Variants in PTPRM observed in about 807,000 individuals in gnomAD.
The protein encoded by PTPRM is protein tyrosine phosphatase receptor type M.
In PTPRM, 47 loss-of-function variants were observed where a neutral mutation model predicts 186.7. The ratio of observed to expected loss-of-function variants is 0.25; its 90% CI spans 0.20 to 0.32. PTPRM has a LOEUF of 0.32. Ranked by LOEUF, PTPRM falls within the 10% of genes least tolerant of loss-of-function variation. PTPRM has a pLI of 1.00. For missense variants in PTPRM, 1,494 were observed against 1,865.0 expected (o/e 0.80, Z 3.66); for synonymous variants, 668 against 674.9 (o/e 0.99, Z 0.16).
intron 22 of PTPRM, among the ~76,000 whole-genome samples, chr18:8,325,436 G>A (rs1341264761): frequency 3.9e-5 from 6 of 152,118 alleles, no homozygotes; most frequent in African/African-American, 1.4e-4. Flanking sequence ...CCGTTCCTGC[G>A]ATTGGTCAGT....
At chr18:8,201,174 G>A (rs1441581048) in intron 14 of PTPRM, among the ~76,000 whole-genome samples, 1 of 152,120 alleles carries the variant, frequency 6.6e-6, no homozygotes, top group Non-Finnish European at 1.5e-5. Context: ...AAATTAGCCA[G>A]GCATGGTGGT....
rs1016213359 is a variant in PTPRM, at chr18:7,816,515, T to C, written c.196+42244T>C. Among the ~76,000 whole-genome samples the C allele has an allele frequency of 9.8e-5, 15 of 152,334 alleles. No individual in the cohort carries two copies. In the East Asian group the frequency reaches 2.1e-3, roughly 22 times the overall value. On this transcript the variant is annotated intron_variant, in intron 2 of 32. Transcript: ENST00000580170. ...AAATTAAGTGGTATAATTATTCTTC[T>C]AAAGATGTCATCTAGAATCTACATT...
At chr18:8,028,008 T>C (rs1183834493) in intron 7 of PTPRM, among the ~76,000 whole-genome samples, 3 of 152,132 alleles carry the variant, frequency 2.0e-5, no homozygotes, top group Non-Finnish European at 2.9e-5. Flanking sequence ...TTCTTTCTTT[T>C]TTTTGTTTTT....
At chr18:7,976,256 A>G (rs550945023) in intron 7 of PTPRM, among the ~76,000 whole-genome samples, 5 of 152,366 alleles carry the variant, frequency 3.3e-5, no homozygotes, top group African/African-American at 7.2e-5. Context: ...GAAAAGGCCA[A>G]ACTATGGATA....
At chr18:7,893,793 C>A (rs1259976998) in intron 3 of PTPRM, among the ~76,000 whole-genome samples, 1 of 152,104 alleles carries the variant, frequency 6.6e-6, no homozygotes, top group Non-Finnish European at 1.5e-5. Flanking sequence ...ATTGTAGATG[C>A]GGCAAGAGAA....
intron 1 of PTPRM, among the ~76,000 whole-genome samples, chr18:7,613,599 G>A (rs767562103): frequency 7.9e-5 from 12 of 152,240 alleles, no homozygotes; most frequent in Non-Finnish European, 1.8e-4. Context: ...GTTGAATCCA[G>A]GAGGTGGAGG....
intron 13 of PTPRM, among the ~76,000 whole-genome samples, chr18:8,143,409 G>A (rs1260892987): frequency 6.6e-6 from 1 of 152,112 alleles, no homozygotes; most frequent in African/African-American, 2.4e-5. Context: ...CATAGAAAAG[G>A]GTCAGGCATG....
chr18:7,924,141 T>G (rs902916524), intron 4 of PTPRM, among the ~76,000 whole-genome samples: 3 of 152,212 alleles, frequency 2.0e-5, no homozygotes, highest in Admixed American at 2.0e-4. Flanking sequence ...ATGATAGTAG[T>G]GTCACAGCCA....
rs1288648086 is a variant in PTPRM, at chr18:7,568,685, G to A, written c.73+794G>A. On this transcript the variant is annotated intron_variant, in intron 1 of 32. Coordinates refer to ENST00000580170, the MANE Select transcript of PTPRM (RefSeq NM_001105244.2). The surrounding 1 kb of genome is among the most constrained non-coding windows in gnomAD (Gnocchi z 5.1). ...CGGGGGTCCCAGGTGGGAAGGAGAG[G>A]CACTGGCGGTGTGCGAGCAAGCGTG... Among the ~76,000 whole-genome samples, 1 of 152,198 alleles carries A rather than the reference G, an allele frequency of 6.6e-6. No homozygotes were observed. The highest frequency in any genetic ancestry group is 1.5e-5 in the Non-Finnish European group (1 of 68,034).
At chr18:7,693,700 G>T (rs2039783250) in intron 1 of PTPRM, among the ~76,000 whole-genome samples, 2 of 152,214 alleles carry the variant, frequency 1.3e-5, no homozygotes, top group African/African-American at 4.8e-5. Flanking sequence ...CCTACAAAGT[G>T]GGAGATTGCT....
chr18:7,813,437 T>C (rs1417582985), intron 2 of PTPRM, among the ~76,000 whole-genome samples: 1 of 152,214 alleles, frequency 6.6e-6, no homozygotes, highest in Non-Finnish European at 1.5e-5. Flanking sequence ...AGTTCAGTTA[T>C]TGAATATCCT....
chr18:7,685,176 C>T (rs1255330252), intron 1 of PTPRM, among the ~76,000 whole-genome samples: 1 of 152,184 alleles, frequency 6.6e-6, no homozygotes, highest in East Asian at 1.9e-4. Context: ...TAAAATTCCA[C>T]CCACCACCAG....
intron 1 of PTPRM, among the ~76,000 whole-genome samples, chr18:7,615,657 G>T (rs1171165179): frequency 6.6e-6 from 1 of 152,078 alleles, no homozygotes; most frequent in Non-Finnish European, 1.5e-5. Context: ...AACATTTTTG[G>T]CACCAGAGAC....
chr18:7,803,523 A>C (rs1386210437), intron 2 of PTPRM, among the ~76,000 whole-genome samples: 1 of 152,126 alleles, frequency 6.6e-6, no homozygotes, highest in African/African-American at 2.4e-5. Flanking sequence ...TAACATCCTC[A>C]TGCATTCTGG....
At position 8,366,179 on chromosome 18, in the gene PTPRM, C is replaced by T. The variant is rs73939446; in HGVS notation, c.3055-4711C>T. Among the ~76,000 whole-genome samples the T allele has an allele frequency of 3.5e-3, 532 of 152,262 alleles. 1 individual carries two copies. Among genetic ancestry groups the T allele is most frequent in the African/African-American group, 0.012 (497 of 41,542 alleles). On this transcript the variant is annotated intron_variant, in intron 23 of 32. Coordinates refer to ENST00000580170, the MANE Select transcript of PTPRM (RefSeq NM_001105244.2). ...CTGCCATAGGACTTATAATCATGTCCTATTTACAGATGAAGCTCCTGCAGT... is the reference window on the plus strand; with the variant it reads ...CTGCCATAGGACTTATAATCATGTCTTATTTACAGATGAAGCTCCTGCAGT...
intron 7 of PTPRM, among the ~76,000 whole-genome samples, chr18:7,963,066 T>G (rs1010272477): frequency 3.3e-5 from 5 of 152,270 alleles, no homozygotes; most frequent in Non-Finnish European, 5.9e-5. Context: ...TTTAATGAAT[T>G]TTCAATACAT....
At chr18:8,105,800 C>A (rs989121885) in intron 11 of PTPRM, among the ~76,000 whole-genome samples, 3 of 152,122 alleles carry the variant, frequency 2.0e-5, no homozygotes, top group Non-Finnish European at 2.9e-5. Context: ...AGTCACCCCC[C>A]AGAAAAACCA....
intron 14 of PTPRM, among the ~76,000 whole-genome samples, chr18:8,235,278 G>A (rs1161990948): frequency 6.6e-6 from 1 of 151,966 alleles, no homozygotes; most frequent in East Asian, 1.9e-4. Flanking sequence ...GAGATTGTGT[G>A]TTTCTTCTTG....
At chr18:7,953,673 A>G (rs916525257) in intron 6 of PTPRM, among the ~76,000 whole-genome samples, 1 of 152,120 alleles carries the variant, frequency 6.6e-6, no homozygotes, top group African/African-American at 2.4e-5. Context: ...AAGACAACCA[A>G]CTCAACAAAG....
Sources: gnomAD v4.1 joint callset for allele counts (sites outside exome capture counted in the v4.1 genomes callset) on GRCh38, gnomAD v4.1.1 for gene constraint, Gnocchi (gnomAD v3.1) non-coding constraint, MANE v1.5 for transcripts, NCBI Gene and HGNC (gene_info 2026-07-23, HGNC 2026-07-21) for gene names.